The following STOX2 variants were observed in gnomAD, a reference collection of about 807,000 sequenced individuals.
STOX2 encodes storkhead box 2, also known as storkhead-box protein 2.
STOX2 carries 28 observed loss-of-function variants against 60.9 expected under a neutral mutation model. The ratio of observed to expected loss-of-function variants is 0.46; its 90% CI spans 0.34 to 0.63. STOX2 has a LOEUF of 0.63. STOX2 is among the 30% of genes least tolerant of loss of function. STOX2 has a pLI of 0.01. For synonymous variants in STOX2, 472 were observed against 463.9 expected (o/e 1.02, Z -0.22); for missense variants, 1,024 against 1,187.7 (o/e 0.86, Z 2.03).
At position 183,931,943 on chromosome 4, in the gene STOX2, C is replaced by G. The variant is rs372650262; in HGVS notation, c.166+24987C>G. 2.0e-5 allele frequency among the ~76,000 whole-genome samples: 3 copies of G among 152,112 alleles called. No homozygotes were observed. The South Asian group carries it at 6.2e-4, about 32-fold the overall frequency. ...TGTGGAAGGCAGAGAAGGATTGGAG[C>G]GGGCAAGAAGGGAGGCATGGAGACC... On this transcript the variant is annotated intron_variant, in intron 1 of 3. Coordinates refer to ENST00000308497, the MANE Select transcript of STOX2 (RefSeq NM_020225.3).
At chr4:183,951,021 C>G (rs937948364) in intron 1 of STOX2, among the ~76,000 whole-genome samples, 1 of 151,870 alleles carries the variant, frequency 6.6e-6, no homozygotes, top group East Asian at 1.9e-4. Flanking sequence ...CGAGACCATC[C>G]TGGCTAACAC....
At chr4:183,953,509 T>C (rs1279446457) in intron 1 of STOX2, among the ~76,000 whole-genome samples, 5 of 152,090 alleles carry the variant, frequency 3.3e-5, no homozygotes. Context: ...AGGTAGCACT[T>C]AACTTGCTTG....
At chr4:183,798,152 G>T in intron 1 of STOX2, 6 of 1,158,826 alleles carry the variant, frequency 5.2e-6, no homozygotes, top group African/African-American at 1.6e-5. Context: ...AGCCCGCCGC[G>T]GGCACCGCCG....
chr4:184,017,756 C>T lies in STOX2; in HGVS notation c.*472C>T, dbSNP rs1448389604. On this transcript the variant is annotated 3_prime_UTR_variant, in exon 4 of 4. Transcript: ENST00000308497. Reference sequence around the variant, plus strand: ...AAAAACAAAAAACAAAACTAAGCTACCACGAAATGTCAAATGCAAGGGTCC... The same window carrying T: ...AAAAACAAAAAACAAAACTAAGCTATCACGAAATGTCAAATGCAAGGGTCC... The T allele has an allele frequency of 6.6e-6, 1 of 150,598 alleles. No individual in the cohort carries two copies. Among genetic ancestry groups the T allele is most frequent in the Non-Finnish European group, 1.5e-5 (1 of 67,734 alleles). The allele number at this position is 150,598 out of a possible 1,614,324, so 9.3% of individuals were successfully genotyped here.
At chr4:183,952,104 A>G (rs1185911691) in intron 1 of STOX2, among the ~76,000 whole-genome samples, 1 of 152,192 alleles carries the variant, frequency 6.6e-6, no homozygotes. Context: ...TCGGCACAGA[A>G]AGAATGTATT....
At position 184,010,596 on chromosome 4, in the gene STOX2, C is replaced by G. The variant is rs748013023; in HGVS notation, c.1758C>G (p.Gly586=). The G allele has an allele frequency of 3.2e-5, 52 of 1,613,970 alleles. No homozygotes were observed. Among genetic ancestry groups the G allele is most frequent in the Non-Finnish European group, 4.2e-5 (50 of 1,179,878 alleles). The change falls in exon 3 of 4, where the codon GGC becomes GGG. Residue 586 remains glycine (G), a synonymous_variant. Coordinates refer to ENST00000308497, the MANE Select transcript of STOX2 (RefSeq NM_020225.3). This position sits in a 1 kb window ranked among gnomAD's most constrained non-coding sequence, Gnocchi z 4.5. The stretch of plus-strand genomic sequence containing the variant: ...CACCCGAGAGTTTGCCATCCTATGG[C>G]GAACTCAACTCTTGTCCAACAAAAA... ...GKPPESLPSY[G]ELNSCPTKTA...
In STOX2 at chr4:183,825,872, G is replaced by A. The variant is rs1328047784; in HGVS notation, c.364+27817G>A. ...GGAAGTTTAGTCTGGGAACGAGTAT[G>A]GCAGTCAGTTTGGCAAATGATGGGG... On this transcript the variant is annotated intron_variant, in intron 1 of 2. Transcript: ENST00000513034. This position sits in a 1 kb window ranked among gnomAD's most constrained non-coding sequence, Gnocchi z 4.1. Among the ~76,000 whole-genome samples, 2 of 152,192 alleles carry A rather than the reference G, an allele frequency of 1.3e-5. No homozygotes were observed. Among genetic ancestry groups the A allele is most frequent in the African/African-American group, 4.8e-5 (2 of 41,454 alleles).
At chr4:183,861,932 G>A (rs1213747999) in intron 1 of STOX2, among the ~76,000 whole-genome samples, 2 of 152,116 alleles carry the variant, frequency 1.3e-5, no homozygotes, top group Non-Finnish European at 2.9e-5. Flanking sequence ...GAACATTACA[G>A]GATCACAGGA....
chr4:184,001,418 C>T lies in STOX2; in HGVS notation c.260C>T (p.Ser87Leu), dbSNP rs987769470. The part of the protein sequence containing the change: ...ILCLAISAMN[S>L]ARKPVTQEAL... ...TGCTTGGCCATCTCAGCAATGAACT[C>T]GGCAAGAAAGCCTGTCACCCAAGAA... The change falls in exon 2 of 4, where the codon TCG becomes TTG. Residue 87 changes from serine (S) to leucine (L), a missense_variant. Transcript: ENST00000308497. The surrounding 1 kb of genome is among the most constrained non-coding windows in gnomAD (Gnocchi z 4.2). 6.2e-7 allele frequency: 1 copy of T among 1,613,712 alleles called. No homozygotes were observed. The highest frequency in any genetic ancestry group is 8.5e-7 in the Non-Finnish European group (1 of 1,179,870).
intron 1 of STOX2, among the ~76,000 whole-genome samples, chr4:183,933,288 A>G (rs983501498): frequency 2.0e-5 from 3 of 152,234 alleles, no homozygotes; most frequent in South Asian, 2.1e-4. Context: ...AGATTTAGCC[A>G]AAGACGTAAT....
At chr4:183,884,012 C>T (rs1279275359) in intron 1 of STOX2, among the ~76,000 whole-genome samples, 4 of 152,076 alleles carry the variant, frequency 2.6e-5, no homozygotes, top group African/African-American at 9.7e-5. Flanking sequence ...GCCACCACGC[C>T]CGGCTAATTT....
intron 1 of STOX2, among the ~76,000 whole-genome samples, chr4:183,858,194 C>T (rs905967282): frequency 5.3e-5 from 8 of 152,238 alleles, no homozygotes; most frequent in Non-Finnish European, 5.9e-5. Flanking sequence ...CTCCGCCTCC[C>T]GGATGACCTA....
At chr4:183,975,984 A>G (rs564919550) in intron 1 of STOX2, among the ~76,000 whole-genome samples, 7 of 152,190 alleles carry the variant, frequency 4.6e-5, no homozygotes, top group Non-Finnish European at 1.0e-4. Flanking sequence ...GACCGAGTGG[A>G]TTTAGGCTTG....
intron 1 of STOX2, among the ~76,000 whole-genome samples, chr4:183,802,063 G>A (rs1284575146): frequency 6.6e-6 from 1 of 152,226 alleles, no homozygotes; most frequent in African/African-American, 2.4e-5. Context: ...TTCTAGCCTC[G>A]GCCACAAGCC....
intron 1 of STOX2, among the ~76,000 whole-genome samples, chr4:183,961,339 C>T (rs547106389): frequency 1.4e-4 from 21 of 150,726 alleles, no homozygotes; most frequent in Middle Eastern, 6.8e-3. Flanking sequence ...AAAAACACAT[C>T]GAACGACAAG....
chr4:183,900,540 T>C (rs1314029867), upstream of STOX2, among the ~76,000 whole-genome samples: 1 of 152,242 alleles, frequency 6.6e-6, no homozygotes, highest in Non-Finnish European at 1.5e-5. Flanking sequence ...GTTCAGATGC[T>C]TAGGTCTTTA....
chr4:184,004,280 A>G (rs1166010152), intron 2 of STOX2, among the ~76,000 whole-genome samples: 3 of 152,190 alleles, frequency 2.0e-5, no homozygotes, highest in South Asian at 2.1e-4. Flanking sequence ...TATTCTAAAG[A>G]AAGTTTTTAG....
chr4:183,798,136 T>TGCCCC, intron 1 of STOX2: 1 of 1,191,446 alleles, frequency 8.4e-7, no homozygotes, highest in East Asian at 3.4e-5. Context: ...TGCCCCGCCC[T>TGCCCC]GCCCCAGCCC....
intron 1 of STOX2, among the ~76,000 whole-genome samples, chr4:183,920,061 A>G (rs1742053790): frequency 6.6e-6 from 1 of 152,208 alleles, no homozygotes; most frequent in Non-Finnish European, 1.5e-5. Flanking sequence ...TCACATACTC[A>G]TCGGTATACT....
Sources: gnomAD v4.1 joint callset for allele counts (sites outside exome capture counted in the v4.1 genomes callset) on GRCh38, gnomAD v4.1.1 for gene constraint, Gnocchi (gnomAD v3.1) non-coding constraint, MANE v1.5 for transcripts, NCBI Gene and HGNC (gene_info 2026-07-23, HGNC 2026-07-21) for gene names.